Variants in MACO1 observed in about 807,000 individuals in gnomAD.
MACO1 encodes macoilin.
Under a neutral mutation model 78.7 loss-of-function variants are expected in MACO1, and 14 were observed. The ratio of observed to expected loss-of-function variants is 0.18; its 90% CI spans 0.12 to 0.28. The LOEUF (loss-of-function observed/expected upper bound fraction) is 0.28. Ranked by LOEUF, MACO1 falls within the 10% of genes least tolerant of loss-of-function variation. The pLI, the probability that MACO1 is intolerant of heterozygous loss-of-function variation, is 1.00. For synonymous variants in MACO1, 288 were observed against 291.6 expected, an observed-to-expected ratio of 0.99 and a Z score of 0.12; for missense variants, 501 against 799.0, an observed-to-expected ratio of 0.63 and a Z score of 4.50.
At chr1:25,477,432 T>C (rs1275986054) in intron 6 of MACO1, among the ~76,000 whole-genome samples, 16 of 152,214 alleles carry the variant, frequency 1.1e-4, no homozygotes, top group Admixed American at 1.0e-3. Context: ...CCCCTTCTCC[T>C]ACAGAGCAAG....
chr1:25,483,521 G>A (rs1486795625), intron 6 of MACO1, among the ~76,000 whole-genome samples: 1 of 152,202 alleles, frequency 6.6e-6, no homozygotes, highest in African/African-American at 2.4e-5. Flanking sequence ...ATGATTCTTA[G>A]AGCATGTAAT....
rs971130554 is a variant in MACO1 at position 25,455,062 on chromosome 1, G to A, written c.473+680G>A. Among the ~76,000 whole-genome samples the A allele has an allele frequency of 2.6e-5, 4 of 152,242 alleles. No individual in the cohort carries two copies. In the East Asian group the frequency reaches 5.8e-4, roughly 22 times the overall value. ...ATACATGTATTCAACTTAATGCCAA[G>A]CACATAGGTGTCTGATGAATGTTAG... On this transcript the variant is annotated intron_variant, in intron 4 of 10. Coordinates refer to ENST00000374343, the MANE Select transcript of MACO1 (RefSeq NM_018202.6).
At chr1:25,431,900 A>G (rs867224057) in intron 1 of MACO1, among the ~76,000 whole-genome samples, 1 of 137,694 alleles carries the variant, frequency 7.3e-6, no homozygotes, top group African/African-American at 2.8e-5. Flanking sequence ...TTAAAAAGGG[A>G]TTTTCTCCAA....
At position 25,440,767 on chromosome 1, in the gene MACO1, C is replaced by CA. The variant is rs71815906; in HGVS notation, c.81-5977dup. ...TGGGCGACAGAGTGAGACTCCATCT[C>CA]AAAAAAAAAAAAAAAAAAGAAAAGT... On this transcript the variant is annotated intron_variant, in intron 1 of 10. Coordinates refer to ENST00000374343, the MANE Select transcript of MACO1 (RefSeq NM_018202.6). 6.1e-3 allele frequency among the ~76,000 whole-genome samples: 656 copies of CA among 106,950 alleles called. 6 individuals carry two copies. Among genetic ancestry groups the CA allele is most frequent in the African/African-American group, 0.018 (535 of 29,530 alleles). 70.2% of individuals were successfully genotyped at this position (106,950 alleles called of 152,430 possible).
chr1:25,498,326 G>T lies in MACO1; in HGVS notation c.1855G>T (p.Ala619Ser). ...AAAACAGAAGATAGCCGAAGTCATGGCCGTCATGCCCAGCATAACATACAG... is the reference window on the plus strand; with the variant it reads ...AAAACAGAAGATAGCCGAAGTCATGTCCGTCATGCCCAGCATAACATACAG... Reference protein sequence around the residue: ...DLKQKIAEVMAVMPSITYSAA... With the variant: ...DLKQKIAEVMSVMPSITYSAA... Residue 619 changes from alanine to serine, a missense_variant, in exon 11 of 11, where the codon GCC becomes TCC. Physicochemically the swap from Ala to Ser is moderately conservative, Grantham distance 99 (BLOSUM62 1). Around this residue, in one of 5 missense-constraint regions of MACO1, gnomAD observed 66 missense variants for 101.6 expected, o/e 0.65. Coordinates refer to ENST00000374343, the MANE Select transcript of MACO1 (RefSeq NM_018202.6). 6.2e-7 allele frequency: 1 copy of T among 1,614,120 alleles called. No individual in the cohort carries two copies. Among genetic ancestry groups the T allele is most frequent in the Non-Finnish European group, 8.5e-7 (1 of 1,180,018 alleles).
chr1:25,475,339 G>A (rs145739947), intron 6 of MACO1, among the ~76,000 whole-genome samples: 2,099 of 151,934 alleles, frequency 0.014, 41 homozygotes, highest in African/African-American at 0.047. Flanking sequence ...AGCGAGACTC[G>A]GTCTCAAAAA....
At chr1:25,453,629 C>T (rs891308140) in intron 3 of MACO1, among the ~76,000 whole-genome samples, 4 of 140,532 alleles carry the variant, frequency 2.8e-5, no homozygotes, top group African/African-American at 8.1e-5. Context: ...CGCCACTGCA[C>T]TCCAGCCTGG....
chr1:25,492,302 T>C (rs1411108427), intron 10 of MACO1, among the ~76,000 whole-genome samples: 3 of 152,066 alleles, frequency 2.0e-5, no homozygotes, highest in Non-Finnish European at 4.4e-5. Context: ...GCAGGGAGTA[T>C]GTCAGGTGGC....
chr1:25,441,531 A>G (rs188935744), intron 1 of MACO1, among the ~76,000 whole-genome samples: 4 of 152,374 alleles, frequency 2.6e-5, no homozygotes, highest in African/African-American at 9.6e-5. Context: ...TCCTGTAGTC[A>G]GAGTACTGTG....
intron 6 of MACO1, among the ~76,000 whole-genome samples, chr1:25,468,834 GT>G (rs1257752490): frequency 1.3e-5 from 2 of 152,078 alleles, no homozygotes; most frequent in African/African-American, 2.4e-5. Context: ...ACTGAGGAGT[GT>G]TTTTTGGTTT....
intron 9 of MACO1, among the ~76,000 whole-genome samples, chr1:25,490,587 C>G (rs2043476628): frequency 1.3e-5 from 2 of 152,074 alleles, no homozygotes; most frequent in Admixed American, 1.3e-4. Context: ...ATTTTAAAAT[C>G]TCACCAATGA....
intron 1 of MACO1, among the ~76,000 whole-genome samples, chr1:25,437,022 C>T (rs184223201): frequency 4.8e-4 from 73 of 152,294 alleles, no homozygotes; most frequent in African/African-American, 1.5e-3. Flanking sequence ...CTGTTCATAT[C>T]ACTGATGAGT....
intron 1 of MACO1, among the ~76,000 whole-genome samples, chr1:25,442,356 T>C (rs894555992): frequency 2.0e-5 from 3 of 152,186 alleles, no homozygotes; most frequent in African/African-American, 7.2e-5. Flanking sequence ...TTGCCATTAC[T>C]GAGAGGACAG....
chr1:25,448,236 G>A (rs1485201236), intron 2 of MACO1, among the ~76,000 whole-genome samples: 1 of 152,062 alleles, frequency 6.6e-6, no homozygotes, highest in Non-Finnish European at 1.5e-5. Context: ...AGGCCAAGGC[G>A]GGCGGATCAC....
At position 25,491,558 on chromosome 1, in the gene MACO1, C is replaced by G. The variant is rs756569141; in HGVS notation, c.1766C>G (p.Ala589Gly). The change falls in exon 10 of 11, where the codon GCA (alanine) becomes GGA (glycine). Residue 589 changes from alanine (A) to glycine (G), a missense_variant. Transcript: ENST00000374343. The part of the protein sequence containing the change: ...KLDLFSALGD[A>G]KRQLEIAQGQ... Reference sequence around the variant, plus strand: ...GACCTGTTCTCCGCACTGGGCGATGCAAAGCGGCAGCTCGAGATTGCCCAA... The same window carrying G: ...GACCTGTTCTCCGCACTGGGCGATGGAAAGCGGCAGCTCGAGATTGCCCAA... The G allele has an allele frequency of 6.2e-7, 1 of 1,614,182 alleles. No homozygotes were observed.
At chr1:25,495,825 G>GC (rs1293675890) in intron 10 of MACO1, among the ~76,000 whole-genome samples, 1 of 152,162 alleles carries the variant, frequency 6.6e-6, no homozygotes, top group East Asian at 1.9e-4. Flanking sequence ...TGCTAGGTGT[G>GC]ATGGCACACG....
At chr1:25,465,188 G>C (rs917741169) in intron 6 of MACO1, among the ~76,000 whole-genome samples, 2 of 152,084 alleles carry the variant, frequency 1.3e-5, no homozygotes, top group Admixed American at 1.3e-4. Flanking sequence ...TGGATATACC[G>C]CAAGTTTATC....
chr1:25,432,692 T>A (rs1410373424), intron 1 of MACO1, among the ~76,000 whole-genome samples: 1 of 152,222 alleles, frequency 6.6e-6, no homozygotes, highest in African/African-American at 2.4e-5. Flanking sequence ...TTTGACCAAC[T>A]TAACATTAAT....
At chr1:25,435,294 C>G (rs889896745) in intron 1 of MACO1, among the ~76,000 whole-genome samples, 2 of 152,110 alleles carry the variant, frequency 1.3e-5, no homozygotes, top group South Asian at 2.1e-4. Context: ...TTGTACCTGA[C>G]TGTCATATTT....
Sources: allele counts gnomAD v4.1 joint callset (sites outside exome capture counted in the v4.1 genomes callset), GRCh38; gene constraint gnomAD v4.1.1; regional missense constraint gnomAD v4.1.1; transcripts MANE v1.5; gene names NCBI Gene and HGNC (gene_info 2026-07-23, HGNC 2026-07-21).